SPPL2A: variants seen among roughly 807,000 people sequenced by gnomAD.
SPPL2A encodes the protein signal peptide peptidase-like 2A.
A neutral mutation model predicts 63.8 loss-of-function variants in SPPL2A; 51 were observed. The ratio of observed to expected loss-of-function variants is 0.80; its 90% CI spans 0.64 to 1.01. SPPL2A has a LOEUF of 1.01. Ranked by LOEUF, SPPL2A falls within the 50% of genes least tolerant of loss-of-function variation. SPPL2A has a pLI of 0.00. For synonymous variants in SPPL2A, 188 were observed against 205.8 expected (o/e 0.91, Z 0.74); for missense variants, 553 against 622.7 (o/e 0.89, Z 1.19).
At chr15:50,765,251 G>C (rs1291665872) in intron 1 of SPPL2A, among the ~76,000 whole-genome samples, 4 of 151,598 alleles carry the variant, frequency 2.6e-5, no homozygotes, top group South Asian at 2.1e-4. Context: ...AACCGAGTGG[G>C]GGGCGGGAAA....
At chr15:50,747,439 GATTGCAGAA>G in intron 5 of SPPL2A, 47 bp downstream of exon 5, 4 of 1,435,740 alleles carry the variant, frequency 2.8e-6, no homozygotes, top group Non-Finnish European at 2.9e-6. Context: ...TAATTAAAAT[GATTGCAGAA>G]ATTTTTAACC....
At chr15:50,736,379 TTC>T (rs2062771350) in intron 7 of SPPL2A, among the ~76,000 whole-genome samples, 177 bp from the exon 8 acceptor site, 1 of 152,218 alleles carries the variant, frequency 6.6e-6, no homozygotes, top group South Asian at 2.1e-4. Context: ...CAATATAATT[TTC>T]TGTGATGATG....
chr15:50,728,312 C>A (rs2062701831), intron 10 of SPPL2A, among the ~76,000 whole-genome samples: 1 of 152,144 alleles, frequency 6.6e-6, no homozygotes, highest in African/African-American at 2.4e-5. Context: ...GTTAAAAATA[C>A]CCTAATAAAT....
chr15:50,728,942 T>C (rs1387053787), intron 10 of SPPL2A, among the ~76,000 whole-genome samples: 1 of 151,818 alleles, frequency 6.6e-6, no homozygotes, highest in East Asian at 1.9e-4. Flanking sequence ...GCCCTCCAAG[T>C]AGCTGGGATT....
chr15:50,728,591 C>A (rs1454499258), intron 10 of SPPL2A, among the ~76,000 whole-genome samples: 6 of 151,422 alleles, frequency 4.0e-5, no homozygotes, highest in African/African-American at 1.5e-4. Context: ...CGTGATCCGC[C>A]CACCTTGGCC....
rs1338457516 is a variant in SPPL2A at position 50,706,578 on chromosome 15, A to T, written c.*1222T>A. The T allele has an allele frequency of 6.6e-6, 1 of 151,888 alleles. No individual in the cohort carries two copies. The highest frequency in any genetic ancestry group is 2.4e-5 in the African/African-American group (1 of 41,346). The allele number at this position is 151,888 out of a possible 1,614,324, so 9.4% of individuals were successfully genotyped here. ...AAGATTAAGAATCATTACCTATGGG[A>T]AAAGGGGTGGGCATCAGGAAGAAAA... On this transcript the variant is annotated 3_prime_UTR_variant, in exon 15 of 15. Transcript: ENST00000261854.
intron 13 of SPPL2A, among the ~76,000 whole-genome samples, chr15:50,720,484 G>T (rs2062636355): frequency 6.7e-6 from 1 of 148,428 alleles, no homozygotes. Flanking sequence ...TACTTCCTAA[G>T]CTTTGTTAAT....
At position 50,707,136 on chromosome 15, in the gene SPPL2A, T is replaced by G. The variant is rs12912843; in HGVS notation, c.*664A>C. ...TATAATTTGCATAAATCTTTTTTTTTGGGATGGAGTCTCACTCTGTCGCCC... is the reference window on the plus strand; with the variant it reads ...TATAATTTGCATAAATCTTTTTTTTGGGGATGGAGTCTCACTCTGTCGCCC... On this transcript the variant is annotated 3_prime_UTR_variant, in exon 15 of 15. Transcript: ENST00000261854. 14,695 of 152,158 alleles carry G rather than the reference T, an allele frequency of 0.097. 787 individuals are homozygous for G. Among genetic ancestry groups the G allele is most frequent in the South Asian group, 0.16 (761 of 4,820 alleles). 9.4% of individuals were successfully genotyped at this position (152,158 alleles called of 1,614,324 possible).
At chr15:50,707,952 C>G (rs1440216626) in intron 14 of SPPL2A, 78 bp from the exon 15 acceptor site, 2 of 782,704 alleles carry the variant, frequency 2.6e-6, no homozygotes, top group African/African-American at 3.4e-5. Flanking sequence ...CAAAAGGATT[C>G]TTTTTCTAAA....
intron 11 of SPPL2A, chr15:50,725,928 G>A: frequency 2.8e-6 from 1 of 356,222 alleles, no homozygotes; most frequent in South Asian, 2.6e-5. Context: ...CTTTACCAAG[G>A]ATAGAACTCA....
intron 5 of SPPL2A, among the ~76,000 whole-genome samples, chr15:50,741,824 G>C (rs1044888819): frequency 6.6e-6 from 1 of 151,954 alleles, no homozygotes; most frequent in Non-Finnish European, 1.5e-5. Flanking sequence ...AAATTAGCCA[G>C]GCATGGTGGC....
chr15:50,756,672 G>C (rs894805284), intron 1 of SPPL2A, among the ~76,000 whole-genome samples: 1 of 152,118 alleles, frequency 6.6e-6, no homozygotes, highest in African/African-American at 2.4e-5. Context: ...GATCGCTTGA[G>C]GCCAGGAGTT....
chr15:50,739,391 C>T (rs1192704258), intron 6 of SPPL2A, among the ~76,000 whole-genome samples: 1 of 151,964 alleles, frequency 6.6e-6, no homozygotes, highest in East Asian at 1.9e-4. Flanking sequence ...GTTGGTCAGG[C>T]TGGTCTCAAA....
chr15:50,718,331 TTGTATCACCAA>T (rs2062616211), intron 14 of SPPL2A, among the ~76,000 whole-genome samples: 2 of 152,160 alleles, frequency 1.3e-5, no homozygotes, highest in African/African-American at 4.8e-5. Context: ...CTTGATCATC[TTGTATCACCAA>T]TACCAAAAAT....
At position 50,745,011 on chromosome 15, in the gene SPPL2A, G is replaced by A. The variant is rs1419762179; in HGVS notation, c.584+2484C>T. 1.3e-5 allele frequency among the ~76,000 whole-genome samples: 2 copies of A among 152,186 alleles called. 1 individual carries two copies. The highest frequency in any genetic ancestry group is 4.1e-4 in the South Asian group (2 of 4,836). ...AAAACTGTTGTTGGAGAAAAGGGAA[G>A]CATATACAGATTCAGCTGGATTGCA... is the stretch of plus-strand genomic sequence containing the variant. On this transcript the variant is annotated intron_variant, in intron 5 of 14. Transcript: ENST00000261854.
intron 11 of SPPL2A, among the ~76,000 whole-genome samples, chr15:50,725,673 T>C (rs1041384143): frequency 3.3e-5 from 5 of 151,850 alleles, no homozygotes; most frequent in African/African-American, 1.2e-4. Flanking sequence ...TCAGGTGATC[T>C]GCCTGCCTCA....
chr15:50,734,586 AAAAT>A (rs2062756104), intron 8 of SPPL2A, among the ~76,000 whole-genome samples: 4 of 152,206 alleles, frequency 2.6e-5, no homozygotes, highest in Admixed American at 1.3e-4. Context: ...ATAGCTAAAT[AAAAT>A]AAATAAGATC....
intron 14 of SPPL2A, among the ~76,000 whole-genome samples, chr15:50,712,134 C>T (rs1397370350): frequency 6.6e-6 from 1 of 152,170 alleles, no homozygotes; most frequent in African/African-American, 2.4e-5. Context: ...ATAAAGACTA[C>T]TGTCATAAGC....
chr15:50,734,866 T>C (rs550802687), intron 8 of SPPL2A, among the ~76,000 whole-genome samples: 2 of 152,344 alleles, frequency 1.3e-5, no homozygotes, highest in East Asian at 1.9e-4. Flanking sequence ...TGCTCCTTTT[T>C]GTACTTTATA....
Sources: allele counts gnomAD v4.1 joint callset (sites outside exome capture counted in the v4.1 genomes callset), GRCh38; gene constraint gnomAD v4.1.1; transcripts MANE v1.5; gene names NCBI Gene and HGNC (gene_info 2026-07-23, HGNC 2026-07-21).